Variants in NAV3 observed in about 807,000 individuals in gnomAD.
NAV3 encodes pore membrane and/or filament interacting like protein 1.
In NAV3, 87 loss-of-function variants were observed where a neutral mutation model predicts 244.7. That is an observed-to-expected ratio of 0.36 (90% CI 0.30 to 0.42). The LOEUF (loss-of-function observed/expected upper bound fraction) is 0.42. NAV3 is among the 20% of genes least tolerant of loss of function. The pLI is 1.00. For missense variants in NAV3, 2,663 were observed against 2,893.3 expected (o/e 0.92, Z 1.83); for synonymous variants, 1,126 against 1,042.2 (o/e 1.08, Z -1.55).
intron 2 of NAV3, among the ~76,000 whole-genome samples, chr12:77,682,272 G>A (rs142299136): frequency 0.012 from 1,871 of 152,158 alleles, 21 homozygotes; most frequent in Non-Finnish European, 0.018. Flanking sequence ...TCTGTGGCTG[G>A]CTTATTCCAC....
chr12:77,624,849 T>A (rs1246173882), intron 2 of NAV3, among the ~76,000 whole-genome samples: 2 of 152,212 alleles, frequency 1.3e-5, no homozygotes, highest in Non-Finnish European at 2.9e-5. Flanking sequence ...CAGTGGCTTA[T>A]TTTAGATTGT....
intron 2 of NAV3, among the ~76,000 whole-genome samples, chr12:77,793,209 T>A (rs1223332485): frequency 6.6e-6 from 1 of 152,146 alleles, no homozygotes; most frequent in Non-Finnish European, 1.5e-5. Context: ...TTATAAAAAA[T>A]TGGGCAATGT....
intron 2 of NAV3, among the ~76,000 whole-genome samples, chr12:77,735,814 T>G (rs1376136626): frequency 6.6e-6 from 1 of 152,166 alleles, no homozygotes; most frequent in Admixed American, 6.5e-5. Flanking sequence ...GAATGCCACA[T>G]GCAATACATA....
intron 1 of NAV3, among the ~76,000 whole-genome samples, chr12:77,886,128 G>A (rs1051329190): frequency 6.6e-6 from 1 of 152,024 alleles, no homozygotes; most frequent in Non-Finnish European, 1.5e-5. Context: ...TTCAACTGCT[G>A]CCTGAGAAAT....
intron 12 of NAV3, among the ~76,000 whole-genome samples, chr12:78,069,695 A>G (rs1026709080): frequency 3.3e-5 from 5 of 152,038 alleles, no homozygotes; most frequent in Non-Finnish European, 5.9e-5. Flanking sequence ...AATTAGCAGA[A>G]TCCTATCTGA....
chr12:77,686,061 C>A (rs1250489276), intron 2 of NAV3, among the ~76,000 whole-genome samples: 1 of 152,126 alleles, frequency 6.6e-6, no homozygotes. Flanking sequence ...TTCCTCCTCT[C>A]CCATCATGCC....
chr12:77,585,714 C>T (rs1033198495), intron 2 of NAV3, among the ~76,000 whole-genome samples: 1 of 152,156 alleles, frequency 6.6e-6, no homozygotes, highest in African/African-American at 2.4e-5. Context: ...TAATGCTCCT[C>T]GCCTGTCACT....
intron 23 of NAV3, among the ~76,000 whole-genome samples, chr12:78,165,465 T>C (rs1385561472): frequency 6.6e-6 from 1 of 152,006 alleles, no homozygotes; most frequent in African/African-American, 2.4e-5. Context: ...CTTGAGTATC[T>C]TCTATGTTTC....
At chr12:78,092,718 T>C (rs1054608128) in intron 12 of NAV3, among the ~76,000 whole-genome samples, 2 of 152,042 alleles carry the variant, frequency 1.3e-5, no homozygotes, top group African/African-American at 4.8e-5. Flanking sequence ...GCCAGGATGG[T>C]CTCGATCTCC....
chr12:77,631,835 A>G (rs11106040), intron 2 of NAV3, among the ~76,000 whole-genome samples: 17,629 of 152,116 alleles, frequency 0.12, 1,827 homozygotes, highest in African/African-American at 0.28. Context: ...TAATGTCACA[A>G]GATCCATCAG....
chr12:77,816,356 A>G (rs1872527406), intron 2 of NAV3, among the ~76,000 whole-genome samples: 1 of 152,212 alleles, frequency 6.6e-6, no homozygotes, highest in South Asian at 2.1e-4. Context: ...CCTCCAGTAA[A>G]GTGAAAATGG....
intron 9 of NAV3, among the ~76,000 whole-genome samples, chr12:78,027,075 C>T (rs1878178586): frequency 1.3e-5 from 2 of 152,076 alleles, no homozygotes; most frequent in African/African-American, 4.8e-5. Flanking sequence ...TTTAGTTATT[C>T]TACAGAAGTA....
intron 12 of NAV3, among the ~76,000 whole-genome samples, chr12:78,070,709 C>G (rs897710342): frequency 1.6e-5 from 2 of 122,372 alleles, no homozygotes; most frequent in African/African-American, 6.0e-5. Context: ...TCCCTCCCCC[C>G]ACCCCACAAC....
intron 2 of NAV3, among the ~76,000 whole-genome samples, chr12:77,754,395 C>G (rs910595875): frequency 2.0e-5 from 3 of 152,106 alleles, no homozygotes; most frequent in South Asian, 2.1e-4. Flanking sequence ...AGCTACACTC[C>G]AACACAAGCT....
At chr12:77,808,114 C>CT (rs1393311239) in intron 2 of NAV3, among the ~76,000 whole-genome samples, 1 of 152,130 alleles carries the variant, frequency 6.6e-6, no homozygotes, top group Non-Finnish European at 1.5e-5. Flanking sequence ...TTGCATTGGG[C>CT]TAGAACATGC....
At chr12:77,892,348 T>G (rs1884032753) in intron 1 of NAV3, among the ~76,000 whole-genome samples, 1 of 152,140 alleles carries the variant, frequency 6.6e-6, no homozygotes, top group African/African-American at 2.4e-5. Flanking sequence ...TATTTATTTG[T>G]GCATTAGGTG....
intron 31 of NAV3, among the ~76,000 whole-genome samples, chr12:78,186,155 T>C (rs950295416): frequency 6.6e-6 from 1 of 151,852 alleles, no homozygotes; most frequent in African/African-American, 2.4e-5. Context: ...ATTCCATTGA[T>C]GTTACTTGTC....
At chr12:77,844,391 G>A (rs1876258152) in intron 1 of NAV3, among the ~76,000 whole-genome samples, 2 of 152,176 alleles carry the variant, frequency 1.3e-5, no homozygotes, top group African/African-American at 2.4e-5. Context: ...AACCTGTAAA[G>A]CTATCACATT....
intron 1 of NAV3, among the ~76,000 whole-genome samples, chr12:77,928,019 G>A (rs918971070): frequency 1.3e-5 from 2 of 151,822 alleles, no homozygotes; most frequent in African/African-American, 2.4e-5. Flanking sequence ...TCTGGAGTTC[G>A]AGACCAGTCT....
Sources: allele counts gnomAD v4.1 joint callset (sites outside exome capture counted in the v4.1 genomes callset), GRCh38; gene constraint gnomAD v4.1.1; transcripts MANE v1.5; gene names NCBI Gene and HGNC (gene_info 2026-07-23, HGNC 2026-07-21).